Variants in ING5 observed in about 807,000 individuals in gnomAD.
ING5 encodes the protein inhibitor of growth family member 5.
A neutral mutation model predicts 37.4 loss-of-function variants in ING5; 17 were observed. The ratio of observed to expected loss-of-function variants is 0.45; its 90% CI spans 0.31 to 0.68. The LOEUF (loss-of-function observed/expected upper bound fraction) is 0.68, where lower values mean the gene tolerates loss of function less well. ING5 is among the 30% of genes least tolerant of loss of function. ING5 has a pLI of 0.05. For missense variants in ING5, 233 were observed against 311.9 expected, an observed-to-expected ratio of 0.75 and a Z score of 1.91; for synonymous variants, 123 against 116.6, an observed-to-expected ratio of 1.06 and a Z score of -0.36.
At chr2:241,706,193 A>T (rs2069904847) in intron 2 of ING5, among the ~76,000 whole-genome samples, 3 of 152,014 alleles carry the variant, frequency 2.0e-5, no homozygotes. Flanking sequence ...TGTTGCCCTG[A>T]GGTTTTCCTG....
At chr2:241,696,888 C>G (rs908526041) in intron 2 of ING5, among the ~76,000 whole-genome samples, 18 of 152,002 alleles carry the variant, frequency 1.2e-4, no homozygotes, top group Non-Finnish European at 2.2e-4. Flanking sequence ...TAGAGACCAT[C>G]CTGGCCAATG....
At chr2:241,701,058 G>A (rs1420500939), upstream of ING5, among the ~76,000 whole-genome samples, 1 of 142,386 alleles carries the variant, frequency 7.0e-6, no homozygotes, top group African/African-American at 2.6e-5. Flanking sequence ...TACAACCTCC[G>A]CCTCCCGGGC....
At chr2:241,706,909 T>G (rs1230977286) in intron 2 of ING5, among the ~76,000 whole-genome samples, 2 of 152,064 alleles carry the variant, frequency 1.3e-5, no homozygotes, top group Admixed American at 6.6e-5. Flanking sequence ...GATGTTTCCT[T>G]TATCTCTGAA....
rs1213488259 is a variant in ING5 at position 241,728,115 on chromosome 2, G to A, written c.*3084G>A. On this transcript the variant is annotated 3_prime_UTR_variant, in exon 8 of 8. Coordinates refer to ENST00000313552, the MANE Select transcript of ING5 (RefSeq NM_032329.6). ...CTTGGGCTGTAGTTTGGACCCAACTGAATCCTGAGTGCTCTGTGGCTGACG... is the reference window on the plus strand; with the variant it reads ...CTTGGGCTGTAGTTTGGACCCAACTAAATCCTGAGTGCTCTGTGGCTGACG... 6.6e-6 allele frequency: 1 copy of A among 152,272 alleles called. No homozygotes were observed. Among genetic ancestry groups the A allele is most frequent in the East Asian group, 1.9e-4 (1 of 5,206 alleles). 9.4% of individuals were successfully genotyped at this position (152,272 alleles called of 1,614,324 possible). A position where few individuals can be genotyped will look rare whatever the true frequency, so the allele number is the denominator to read the frequency against.
In ING5 at chr2:241,725,119, G is replaced by C. The variant is rs1691561260; in HGVS notation, c.*88G>C. On this transcript the variant is annotated 3_prime_UTR_variant, in exon 8 of 8. Coordinates refer to ENST00000313552, the MANE Select transcript of ING5 (RefSeq NM_032329.6). ...TTTCCCTTCCTTTTAAAACTACCTT[G>C]TTCGGTTGATACTTAGTAACTCCGT... 1 of 1,384,718 alleles carries C rather than the reference G, an allele frequency of 7.2e-7. No individual in the cohort carries two copies. Among genetic ancestry groups the C allele is most frequent in the Admixed American group, 1.7e-5 (1 of 57,872 alleles). 85.8% of individuals were successfully genotyped at this position (1,384,718 alleles called of 1,614,324 possible). A position where few individuals can be genotyped will look rare whatever the true frequency, so the allele number is the denominator to read the frequency against.
chr2:241,705,369 C>T (rs1294769465), intron 2 of ING5, among the ~76,000 whole-genome samples: 1 of 151,100 alleles, frequency 6.6e-6, no homozygotes, highest in Non-Finnish European at 1.5e-5. Context: ...TGAGCCACCT[C>T]GCCTGGCCCT....
upstream of ING5, among the ~76,000 whole-genome samples, chr2:241,697,503 T>C (rs1575116419): frequency 6.6e-6 from 1 of 151,618 alleles, no homozygotes; most frequent in East Asian, 1.9e-4. Context: ...TTTTTCAAAT[T>C]AAACATGAAC....
At position 241,727,074 on chromosome 2, in the gene ING5, C is replaced by G. The variant is rs940220115; in HGVS notation, c.*2043C>G. 1 of 151,830 alleles carries G rather than the reference C, an allele frequency of 6.6e-6. No homozygotes were observed. Among genetic ancestry groups the G allele is most frequent in the Non-Finnish European group, 1.5e-5 (1 of 68,028 alleles). 9.4% of individuals were successfully genotyped at this position (151,830 alleles called of 1,614,324 possible). On this transcript the variant is annotated 3_prime_UTR_variant, in exon 8 of 8. Coordinates refer to ENST00000313552, the MANE Select transcript of ING5 (RefSeq NM_032329.6). The stretch of plus-strand genomic sequence containing the variant: ...CTTCCCAGAGTGCTGGGATTACAGG[C>G]GTGAGCCACCGCGCCTGGCCACCCA...
chr2:241,687,494 C>T (rs1006435547), exon 1 of ING5: 10 of 397,190 alleles, frequency 2.5e-5, no homozygotes, highest in Admixed American at 4.4e-5. Context: ...AAGCGCAAAA[C>T]TGCAGGGCTC....
At chr2:241,695,619 G>C (rs1422544942) in intron 2 of ING5, among the ~76,000 whole-genome samples, 1 of 152,154 alleles carries the variant, frequency 6.6e-6, no homozygotes, top group East Asian at 1.9e-4. Flanking sequence ...CCAGGAGGTG[G>C]AGGTTGCAGT....
intron 1 of ING5, among the ~76,000 whole-genome samples, chr2:241,689,275 G>A (rs1225963254): frequency 6.6e-6 from 1 of 151,858 alleles, no homozygotes; most frequent in Non-Finnish European, 1.5e-5. Flanking sequence ...ACCACGCCCA[G>A]CTAATTTTTG....
intron 5 of ING5, chr2:241,720,242 T>A: frequency 1.6e-6 from 2 of 1,231,388 alleles, no homozygotes; most frequent in Non-Finnish European, 2.0e-6. Context: ...TCTGGAGTTC[T>A]GTGGTGCGCG....
At chr2:241,702,429 TCTCCGCCCCCAG>T (rs1395377323) in intron 1 of ING5, among the ~76,000 whole-genome samples, 3 of 151,040 alleles carry the variant, frequency 2.0e-5, no homozygotes, top group African/African-American at 4.9e-5. Context: ...CCCCGCCTCA[TCTCCGCCCCCAG>T]CTCCGGCCCC....
chr2:241,702,455 C>G (rs2069771828), intron 1 of ING5, among the ~76,000 whole-genome samples: 1 of 152,028 alleles, frequency 6.6e-6, no homozygotes, highest in Admixed American at 6.6e-5. Flanking sequence ...CGGCCCCGGC[C>G]CCGCCAGGTC....
At chr2:241,690,726 AGTTG>A (rs1234096826) in intron 2 of ING5, 2 of 396,866 alleles carry the variant, frequency 5.0e-6, no homozygotes, top group Admixed American at 8.8e-5. Context: ...GGTGAAATGG[AGTTG>A]GCCACAGGCT....
chr2:241,724,753 C>T (rs1191041709), intron 7 of ING5: 10 of 507,890 alleles, frequency 2.0e-5, no homozygotes, highest in Admixed American at 1.1e-4. Context: ...GGTGTCAAAT[C>T]GGTTTTGCTC....
intron 1 of ING5, among the ~76,000 whole-genome samples, chr2:241,688,895 T>A (rs2124844802): frequency 6.6e-6 from 1 of 151,992 alleles, no homozygotes; most frequent in East Asian, 1.9e-4. Flanking sequence ...ACCTCCCGAG[T>A]TCATCCCATT....
intron 5 of ING5, among the ~76,000 whole-genome samples, chr2:241,719,236 C>T (rs1236084924): frequency 1.3e-5 from 2 of 152,240 alleles, no homozygotes; most frequent in African/African-American, 4.8e-5. Flanking sequence ...TTTAGTTGCT[C>T]TGTGCAGCCT....
chr2:241,720,199 T>C (rs1329756900), intron 5 of ING5: 14 of 1,234,066 alleles, frequency 1.1e-5, no homozygotes, highest in Non-Finnish European at 1.3e-5. Flanking sequence ...GGCATCATCC[T>C]GGGTGTGTGC....
Sources: gnomAD v4.1 joint callset for allele counts (sites outside exome capture counted in the v4.1 genomes callset) on GRCh38, gnomAD v4.1.1 for gene constraint, MANE v1.5 for transcripts, NCBI Gene and HGNC (gene_info 2026-07-23, HGNC 2026-07-21) for gene names.